Variants in PTPN21 observed in about 807,000 individuals in gnomAD.
PTPN21 encodes the protein tyrosine-protein phosphatase non-receptor type 21.
A neutral mutation model predicts 131.8 loss-of-function variants in PTPN21; 77 were observed. The observed-to-expected ratio is 0.58, with a 90% CI of 0.49 to 0.71. PTPN21 has a LOEUF of 0.71. Among genes scored for constraint, PTPN21 ranks in the 30% least tolerant of loss-of-function variants. The pLI, the probability that PTPN21 is intolerant of heterozygous loss-of-function variation, is 0.00. For missense variants in PTPN21, 1,552 were observed against 1,527.1 expected (o/e 1.02, Z -0.27); for synonymous variants, 715 against 621.3 (o/e 1.15, Z -2.24).
At chr14:88,499,756 T>C (rs2077981127) in intron 8 of PTPN21, among the ~76,000 whole-genome samples, 1 of 152,230 alleles carries the variant, frequency 6.6e-6, no homozygotes, top group Admixed American at 6.5e-5. Context: ...TATGTTTTCC[T>C]GCCTTATAAA....
Position 88,501,379 on chromosome 14 carries a change from A to G in PTPN21, c.588-11T>C. On this transcript the variant is annotated splice_polypyrimidine_tract_variant and intron_variant, in intron 6 of 18. Coordinates refer to ENST00000556564, the MANE Select transcript of PTPN21 (RefSeq NM_007039.4). The stretch of plus-strand genomic sequence containing the variant: ...GGAGCTGTGAGCCCTCTGCAACCCA[A>G]AAGAAGCAAGATTGTTCACAAAGCA... 6.2e-7 allele frequency: 1 copy of G among 1,609,080 alleles called. No homozygotes were observed. Among genetic ancestry groups the G allele is most frequent in the South Asian group, 1.1e-5 (1 of 90,866 alleles).
At chr14:88,498,977 T>C (rs1051801304) in intron 8 of PTPN21, among the ~76,000 whole-genome samples, 1 of 152,184 alleles carries the variant, frequency 6.6e-6, no homozygotes, top group African/African-American at 2.4e-5. Flanking sequence ...ATCTAAAGAT[T>C]ATTAGCATCA....
intron 3 of PTPN21, 80 bp downstream of exon 3, chr14:88,517,012 T>C: frequency 2.0e-6 from 3 of 1,502,086 alleles, no homozygotes; most frequent in South Asian, 2.6e-5. Flanking sequence ...TTCAAACTTA[T>C]CTTCTGACTT....
At chr14:88,521,258 A>T (rs926877567) in intron 2 of PTPN21, among the ~76,000 whole-genome samples, 1 of 152,218 alleles carries the variant, frequency 6.6e-6, no homozygotes, top group Non-Finnish European at 1.5e-5. Context: ...CATGTATTTG[A>T]TTACAACAAA....
Position 88,479,315 on chromosome 14 carries a change from T to G in PTPN21, c.2116A>C (p.Met706Leu), listed in dbSNP as rs148161781. The G allele has an allele frequency of 1.5e-4, 248 of 1,613,190 alleles. 1 individual carries two copies. The highest frequency in any genetic ancestry group is 6.6e-4 in the Middle Eastern group (4 of 6,082). Reference protein sequence around the residue: ...GHKKSLSDATMLIHSSEEEED... With the variant: ...GHKKSLSDATLLIHSSEEEED... ...TCCTCCTCGCTGCTGTGGATTAGCA[T>G]GGTGGCGTCCGACAGGGACTTCTTA... Residue 706 changes from methionine (M) to leucine (L), a missense_variant, in exon 13 of 19, where the codon ATG becomes CTG. Coordinates refer to ENST00000556564, the MANE Select transcript of PTPN21 (RefSeq NM_007039.4).
At chr14:88,524,478 T>C (rs1395087324) in intron 2 of PTPN21, among the ~76,000 whole-genome samples, 2 of 152,046 alleles carry the variant, frequency 1.3e-5, no homozygotes, top group African/African-American at 4.8e-5. Flanking sequence ...TAAGTAAATA[T>C]AAGAAGCGAC....
chr14:88,470,299 C>T (rs1401309653), intron 15 of PTPN21: 2 of 489,140 alleles, frequency 4.1e-6, no homozygotes, highest in Non-Finnish European at 3.6e-6. Context: ...ACCTGTTTAA[C>T]CTTGCTGAAT....
intron 2 of PTPN21, among the ~76,000 whole-genome samples, chr14:88,520,855 A>AT (rs2078379127): frequency 6.6e-6 from 1 of 152,114 alleles, no homozygotes; most frequent in Non-Finnish European, 1.5e-5. Context: ...ATTATATTTT[A>AT]TTTTTTGAGA....
chr14:88,479,577 C>T lies in PTPN21; in HGVS notation c.1854G>A (p.Gln618=). The T allele has an allele frequency of 6.3e-7, 1 of 1,595,058 alleles. No individual in the cohort carries two copies. Among genetic ancestry groups the T allele is most frequent in the Non-Finnish European group, 8.5e-7 (1 of 1,176,768 alleles). ...EDSLPVAHSL[Q]EVSEPLTAAR... is the part of the protein sequence containing the mutation. ...CGGCGGTGAGGGGCTCGCTGACCTC[C>T]TGCAGCGAGTGCGCCACGGGCAGGC... The change falls in exon 13 of 19, where the codon CAG becomes CAA. Residue 618 remains glutamine, a synonymous_variant. Coordinates refer to ENST00000556564, the MANE Select transcript of PTPN21 (RefSeq NM_007039.4).
chr14:88,497,893 A>C (rs2077947287), intron 8 of PTPN21, among the ~76,000 whole-genome samples: 1 of 151,844 alleles, frequency 6.6e-6, no homozygotes, highest in Non-Finnish European at 1.5e-5. Flanking sequence ...TGAGGTCACG[A>C]GTTTCAGACT....
At chr14:88,550,168 C>T in intron 2 of PTPN21, 70 bp downstream of exon 2, 5 of 1,471,122 alleles carry the variant, frequency 3.4e-6, no homozygotes, top group Non-Finnish European at 4.6e-6. Flanking sequence ...CCAGCCTCGG[C>T]CTCTCAAAGT....
rs1267864847 is a variant in PTPN21, at chr14:88,468,319, A to G, written c.3397-54T>C. The G allele has an allele frequency of 2.0e-6, 3 of 1,488,546 alleles. No homozygotes were observed. The African/African-American group carries it at 4.3e-5, about 21-fold the overall frequency. 92.2% of individuals were successfully genotyped at this position (1,488,546 alleles called of 1,614,324 possible). ...AATGTGTTCCCCTGGGGAGACAGAAAGGATGGGAGGACACGAGTGTCCTGG... is the reference window on the plus strand; with the variant it reads ...AATGTGTTCCCCTGGGGAGACAGAAGGGATGGGAGGACACGAGTGTCCTGG... On this transcript the variant is annotated intron_variant, in intron 18 of 18. Transcript: ENST00000556564.
intron 3 of PTPN21, among the ~76,000 whole-genome samples, chr14:88,512,816 T>C (rs2078206300): frequency 6.6e-6 from 1 of 152,230 alleles, no homozygotes; most frequent in Non-Finnish European, 1.5e-5. Flanking sequence ...CTTGCTTTGA[T>C]ACAAGTTCAT....
intron 13 of PTPN21, among the ~76,000 whole-genome samples, chr14:88,474,131 C>CCAAAAAAAAAAAAAAA (rs1555382614): frequency 1.9e-4 from 9 of 46,684 alleles, no homozygotes; most frequent in African/African-American, 7.1e-4. Flanking sequence ...AGCTGAAGTC[C>CCAAAAAAAAAAAAAAA]AAAAAAAAAA....
At chr14:88,481,869 C>A (rs903905090) in intron 12 of PTPN21, among the ~76,000 whole-genome samples, 1 of 152,148 alleles carries the variant, frequency 6.6e-6, no homozygotes, top group East Asian at 1.9e-4. Flanking sequence ...CACAACAATG[C>A]GACTAGTAAT....
rs370930742 is a variant in PTPN21 at position 88,482,994 on chromosome 14, C to T, written c.1078+2082G>A. On this transcript the variant is annotated intron_variant, in intron 12 of 18. Coordinates refer to ENST00000556564, the MANE Select transcript of PTPN21 (RefSeq NM_007039.4). ...TTGGAAGGCCAAGGCAGGCGGATTA[C>T]GAGGTCAGGAGATCAAGACCATCCT... Among the ~76,000 whole-genome samples, 36 of 151,968 alleles carry T rather than the reference C, an allele frequency of 2.4e-4. No homozygotes were observed. In the East Asian group the frequency reaches 6.1e-3, roughly 26 times the overall value.
intron 2 of PTPN21, among the ~76,000 whole-genome samples, chr14:88,544,071 G>C (rs1044612648): frequency 6.6e-6 from 1 of 152,194 alleles, no homozygotes; most frequent in African/African-American, 2.4e-5. Flanking sequence ...TAGGCCAGGT[G>C]CGGTGGCTCC....
At chr14:88,513,852 G>C (rs2078222440) in intron 3 of PTPN21, 1 of 152,070 alleles carries the variant, frequency 6.6e-6, no homozygotes, top group African/African-American at 2.4e-5. Context: ...TTGTCTGTTG[G>C]CATGAAGTGT....
At chr14:88,540,840 T>A (rs2078695401) in intron 2 of PTPN21, among the ~76,000 whole-genome samples, 2 of 152,070 alleles carry the variant, frequency 1.3e-5, no homozygotes, top group Non-Finnish European at 2.9e-5. Context: ...TTTTTTAATT[T>A]TTTGTATAGA....
Sources: gnomAD v4.1 joint callset for allele counts (sites outside exome capture counted in the v4.1 genomes callset) on GRCh38, gnomAD v4.1.1 for gene constraint, MANE v1.5 for transcripts, NCBI Gene and HGNC (gene_info 2026-07-23, HGNC 2026-07-21) for gene names.